The following TRPV4 variants were observed in gnomAD, a reference collection of about 807,000 sequenced individuals.
The protein encoded by TRPV4 is transient receptor potential cation channel subfamily V member 4.
Under a neutral mutation model 84.1 loss-of-function variants are expected in TRPV4, and 58 were observed. That is an observed-to-expected ratio of 0.69 (90% CI 0.56 to 0.86). The LOEUF (loss-of-function observed/expected upper bound fraction) is 0.86. TRPV4 is among the 40% of genes least tolerant of loss of function. TRPV4 has a pLI of 0.00. For synonymous variants in TRPV4, 489 were observed against 500.9 expected, an observed-to-expected ratio of 0.98 and a Z score of 0.32; for missense variants, 879 against 1,181.1, an observed-to-expected ratio of 0.74 and a Z score of 3.75.
intron 3 of TRPV4, among the ~76,000 whole-genome samples, chr12:109,803,869 C>T (rs1890958830): frequency 6.6e-6 from 1 of 152,218 alleles, no homozygotes; most frequent in Admixed American, 6.5e-5. Flanking sequence ...GCCTTTCATA[C>T]ACTAACAGGG....
At chr12:109,803,437 T>C (rs1274543401) in intron 3 of TRPV4, among the ~76,000 whole-genome samples, 1 of 152,104 alleles carries the variant, frequency 6.6e-6, no homozygotes, top group East Asian at 1.9e-4. Context: ...GATTTTGTAT[T>C]TATTTTTATT....
intron 1 of TRPV4, among the ~76,000 whole-genome samples, chr12:109,817,494 A>C (rs745527139): frequency 7.9e-5 from 12 of 152,088 alleles, no homozygotes; most frequent in Non-Finnish European, 2.9e-5. Context: ...CCCTCCCCTA[A>C]GCCTGGACAG....
chr12:109,792,115 A>T (rs912846202), intron 12 of TRPV4, among the ~76,000 whole-genome samples: 1 of 151,642 alleles, frequency 6.6e-6, no homozygotes, highest in African/African-American at 2.4e-5. Context: ...GCGTGGTGGC[A>T]GGAGCCCGTA....
intron 3 of TRPV4, among the ~76,000 whole-genome samples, chr12:109,804,655 G>A (rs1034359765): frequency 1.3e-5 from 2 of 152,156 alleles, no homozygotes; most frequent in African/African-American, 2.4e-5. Context: ...GCCCTTCCAG[G>A]AGCAGGGTTG....
chr12:109,824,847 T>G (rs1892211144), intron 1 of TRPV4, among the ~76,000 whole-genome samples: 1 of 152,222 alleles, frequency 6.6e-6, no homozygotes, highest in Non-Finnish European at 1.5e-5. Flanking sequence ...GAGAGGATTC[T>G]ATAGTCTGAG....
intron 3 of TRPV4, among the ~76,000 whole-genome samples, chr12:109,806,000 T>C (rs1891095346): frequency 6.6e-6 from 1 of 152,198 alleles, no homozygotes; most frequent in African/African-American, 2.4e-5. Context: ...ACGTACTTGG[T>C]GGACCAGGAG....
At position 109,796,989 on chromosome 12, in the gene TRPV4, T is replaced by G. The variant is rs930345266; in HGVS notation, c.1153-285A>C. On this transcript the variant is annotated intron_variant, in intron 6 of 15. Transcript: ENST00000261740. The surrounding 1 kb of genome is among the most constrained non-coding windows in gnomAD (Gnocchi z 4.2). The stretch of plus-strand genomic sequence containing the variant: ...TTAATTGTAATGAATATCTTCTTCA[T>G]GCCGTTAAAATAGCAATGAATCCAT... Among the ~76,000 whole-genome samples, 1 of 152,228 alleles carries G rather than the reference T, an allele frequency of 6.6e-6. No individual in the cohort carries two copies. Among genetic ancestry groups the G allele is most frequent in the Non-Finnish European group, 1.5e-5 (1 of 68,040 alleles).
At position 109,793,747 on chromosome 12, in the gene TRPV4, A is replaced by G. The variant is rs1890188551; in HGVS notation, c.1585-147T>C. 2.3e-6 allele frequency: 2 copies of G among 873,878 alleles called. No individual in the cohort carries two copies. Among genetic ancestry groups the G allele is most frequent in the African/African-American group, 3.4e-5 (2 of 59,360 alleles). 54.1% of individuals were successfully genotyped at this position (873,878 alleles called of 1,614,324 possible). Reference sequence around the variant, plus strand: ...GGACTCTTTCCTGTTAGAAAAGGAGAAAAAAGCAGAGATGGAGAACGTGGG... The same window carrying G: ...GGACTCTTTCCTGTTAGAAAAGGAGGAAAAAGCAGAGATGGAGAACGTGGG... On this transcript the variant is annotated intron_variant, in intron 9 of 15. Coordinates refer to ENST00000261740, the MANE Select transcript of TRPV4 (RefSeq NM_021625.5). This position sits in a 1 kb window ranked among gnomAD's most constrained non-coding sequence, Gnocchi z 4.0.
intron 1 of TRPV4, among the ~76,000 whole-genome samples, chr12:109,828,775 C>T (rs1892335886): frequency 6.6e-6 from 1 of 152,220 alleles, no homozygotes; most frequent in Admixed American, 6.5e-5. Flanking sequence ...CCAGCTCTGC[C>T]ATGAGCCAGC....
In TRPV4 at chr12:109,784,335, G is replaced by A. The variant is rs545589086; in HGVS notation, c.2439C>T (p.Thr813=). The change falls in exon 15 of 16, where the codon ACC becomes ACT. Residue 813 remains threonine, a synonymous_variant. Coordinates refer to ENST00000261740, the MANE Select transcript of TRPV4 (RefSeq NM_021625.5). ...ACTCACCCCTGCGGAGGCGGCCCACGGTATGCGAGAAGCCATAATACTGGT... is the reference window on the plus strand; with the variant it reads ...ACTCACCCCTGCGGAGGCGGCCCACAGTATGCGAGAAGCCATAATACTGGT... ...ETYQYYGFSH[T]VGRLRRDRWS... 33 of 1,614,160 alleles carry A rather than the reference G, an allele frequency of 2.0e-5. No homozygotes were observed. Among genetic ancestry groups the A allele is most frequent in the South Asian group, 5.5e-5 (5 of 91,084 alleles).
At chr12:109,794,621 T>C in intron 7 of TRPV4, 134 bp from the exon 8 acceptor site, 1 of 929,584 alleles carries the variant, frequency 1.1e-6, no homozygotes, top group Non-Finnish European at 1.7e-6. Flanking sequence ...TCAGCTGCAT[T>C]CACGGATTCA....
Position 109,783,910 on chromosome 12 carries a change from A to G in TRPV4, c.2459-132T>C. ...GGATGTGACTATGCTCATTTTACAG[A>G]GGTGGAAACTGGGGCTCAAGAGAGG... is the stretch of plus-strand genomic sequence containing the variant. On this transcript the variant is annotated intron_variant, in intron 15 of 15. Transcript: ENST00000261740. The surrounding 1 kb of genome is among the most constrained non-coding windows in gnomAD (Gnocchi z 4.6). 4 of 1,139,242 alleles carry G rather than the reference A, an allele frequency of 3.5e-6. No homozygotes were observed. The highest frequency in any genetic ancestry group is 5.0e-6 in the Non-Finnish European group (4 of 803,814). The allele number at this position is 1,139,242 out of a possible 1,614,324, so 70.6% of individuals were successfully genotyped here.
rs1489567432 is a variant in TRPV4, at chr12:109,792,503, C to T, written c.1825-74G>A. 25 of 1,583,628 alleles carry T rather than the reference C, an allele frequency of 1.6e-5. No homozygotes were observed. The Admixed American group carries it at 1.7e-4, about 11-fold the overall frequency. ...CTCACTTTCCCCATTCCTCCATCTC[C>T]ACCCTGGTCCCACCCCAGTGTCCAG... On this transcript the variant is annotated intron_variant, in intron 11 of 15. Transcript: ENST00000261740.
At chr12:109,829,059 C>G (rs1472642687) in intron 1 of TRPV4, among the ~76,000 whole-genome samples, 6 of 151,988 alleles carry the variant, frequency 3.9e-5, no homozygotes, top group South Asian at 2.1e-4. Context: ...TGTGTCCCAA[C>G]TACTTGGGAG....
chr12:109,812,846 G>A (rs1384916976), intron 2 of TRPV4, among the ~76,000 whole-genome samples: 1 of 152,204 alleles, frequency 6.6e-6, no homozygotes, highest in Non-Finnish European at 1.5e-5. Context: ...TGGGTGTATG[G>A]CTGGACAGAT....
At chr12:109,784,712 C>T (rs530061111) in intron 14 of TRPV4, among the ~76,000 whole-genome samples, 3 of 151,240 alleles carry the variant, frequency 2.0e-5, no homozygotes, top group Non-Finnish European at 2.9e-5. Flanking sequence ...GGCATGGTGG[C>T]GGGTGCCTAT....
chr12:109,788,541 G>A lies in TRPV4; in HGVS notation c.2067C>T (p.Thr689=). ...GGATGATGAAGACCACGGGGTACTT[G>A]GTGCTGCTCAGCATCTCCAGGTCGC... The part of the protein sequence containing the change: ...GMGDLEMLSS[T]KYPVVFIILL... Residue 689 remains threonine (T), a synonymous_variant, in exon 13 of 16, where the codon ACC becomes ACT. Coordinates refer to ENST00000261740, the MANE Select transcript of TRPV4 (RefSeq NM_021625.5). 2.5e-6 allele frequency: 4 copies of A among 1,614,240 alleles called. No homozygotes were observed. Among genetic ancestry groups the A allele is most frequent in the Non-Finnish European group, 3.4e-6 (4 of 1,180,040 alleles).
rs1890128034 is a variant in TRPV4 at position 109,792,766 on chromosome 12, C to A, written c.1710G>T (p.Gly570=). ...CCATCACGGCCAGGTAGGCCTCGAT[C>A]CCTGCCAGGTAGAGGGCTGCTGAGA... ...VIVSAALYLA[G]IEAYLAVMVF... is the part of the protein sequence containing the mutation. Residue 570 remains glycine, a synonymous_variant, in exon 11 of 16, where the codon GGG becomes GGT. Coordinates refer to ENST00000261740, the MANE Select transcript of TRPV4 (RefSeq NM_021625.5). 2 of 1,614,124 alleles carry A rather than the reference C, an allele frequency of 1.2e-6. No individual in the cohort carries two copies. The highest frequency in any genetic ancestry group is 1.7e-6 in the Non-Finnish European group (2 of 1,180,034).
chr12:109,811,149 A>T (rs1386871303), intron 2 of TRPV4, among the ~76,000 whole-genome samples: 2 of 152,046 alleles, frequency 1.3e-5, no homozygotes, highest in Non-Finnish European at 2.9e-5. Context: ...CAACTCCTCC[A>T]AGAAGCCCTC....
Sources: allele counts gnomAD v4.1 joint callset (sites outside exome capture counted in the v4.1 genomes callset), GRCh38; gene constraint gnomAD v4.1.1; non-coding constraint Gnocchi (gnomAD v3.1); transcripts MANE v1.5; gene names NCBI Gene and HGNC (gene_info 2026-07-23, HGNC 2026-07-21).